CDH26: variants seen among roughly 807,000 people sequenced by gnomAD.
The protein encoded by CDH26 is cadherin-like protein 26.
Under a neutral mutation model 90.3 loss-of-function variants are expected in CDH26, and 83 were observed. The observed-to-expected ratio is 0.92, with a 90% CI of 0.77 to 1.10. The LOEUF (loss-of-function observed/expected upper bound fraction) is 1.10. CDH26 is among the 50% of genes least tolerant of loss of function. The pLI is 0.00. For synonymous variants in CDH26, 397 were observed against 396.3 expected, an observed-to-expected ratio of 1.00 and a Z score of -0.02; for missense variants, 1,013 against 1,037.6, an observed-to-expected ratio of 0.98 and a Z score of 0.33.
chr20:60,008,638 T>A (rs563183502), intron 17 of CDH26, among the ~76,000 whole-genome samples: 1 of 152,300 alleles, frequency 6.6e-6, no homozygotes, highest in South Asian at 2.1e-4. Flanking sequence ...CTGTGAACAC[T>A]GTGGCCTGAG....
Position 59,992,663 on chromosome 20 carries a change from T to C in CDH26, c.1426+143T>C. ...CACTCTGCATCCATGCTGGTGATTATTTTTGGTAATAATTCTTAAAATGGT... is the reference window on the plus strand; with the variant it reads ...CACTCTGCATCCATGCTGGTGATTACTTTTGGTAATAATTCTTAAAATGGT... On this transcript the variant is annotated intron_variant, in intron 10 of 17. Coordinates refer to ENST00000348616, the MANE Select transcript of CDH26 (RefSeq NM_177980.4). This position sits in a 1 kb window ranked among gnomAD's most constrained non-coding sequence, Gnocchi z 5.0. 4 of 812,618 alleles carry C rather than the reference T, an allele frequency of 4.9e-6. No homozygotes were observed. The South Asian group carries it at 5.3e-5, about 11-fold the overall frequency. 50.3% of individuals were successfully genotyped at this position (812,618 alleles called of 1,614,324 possible).
At chr20:60,028,647 C>T (rs901639832) in intron 7 of CDH26, among the ~76,000 whole-genome samples, 1 of 152,292 alleles carries the variant, frequency 6.6e-6, no homozygotes, top group East Asian at 1.9e-4. Context: ...CAGGAGGCTG[C>T]AGCCTGGCCT....
At chr20:60,023,235 C>G (rs2061972208) in intron 7 of CDH26, among the ~76,000 whole-genome samples, 1 of 152,240 alleles carries the variant, frequency 6.6e-6, no homozygotes. Context: ...CCACCTTCCT[C>G]TAGACTCAAA....
chr20:59,984,314 T>C (rs2061427334), intron 5 of CDH26, among the ~76,000 whole-genome samples: 1 of 152,258 alleles, frequency 6.6e-6, no homozygotes, highest in Non-Finnish European at 1.5e-5. Flanking sequence ...AATATCTGCC[T>C]GCCATGTATG....
At chr20:59,962,663 T>C (rs2061092066) in intron 1 of CDH26, among the ~76,000 whole-genome samples, 1 of 152,206 alleles carries the variant, frequency 6.6e-6, no homozygotes, top group South Asian at 2.1e-4. Context: ...GTCTTCAATA[T>C]ACGCTTTTAG....
At chr20:60,002,977 A>G in intron 16 of CDH26, 111 bp downstream of exon 16, 1 of 662,376 alleles carries the variant, frequency 1.5e-6, no homozygotes, top group Non-Finnish European at 2.4e-6. Flanking sequence ...TGATAAAAAA[A>G]AATATGCCCA....
At chr20:59,970,504 A>G (rs564948204) in intron 3 of CDH26, among the ~76,000 whole-genome samples, 2 of 149,408 alleles carry the variant, frequency 1.3e-5, no homozygotes, top group South Asian at 4.2e-4. Flanking sequence ...TTTTTTAAAT[A>G]TTATTTAAAA....
At chr20:60,004,627 G>A (rs150705841) in intron 16 of CDH26, among the ~76,000 whole-genome samples, 3,000 of 151,884 alleles carry the variant, frequency 0.02, 47 homozygotes, top group Middle Eastern at 0.085. Context: ...TTAACTGGAC[G>A]TGGTGGCGGG....
chr20:59,972,254 C>G, intron 4 of CDH26, 131 bp downstream of exon 4: 1 of 791,790 alleles, frequency 1.3e-6, no homozygotes, highest in South Asian at 1.9e-5. Context: ...TTGTGACAAG[C>G]TTTACGAGTA....
rs2061647788 is a variant in CDH26 at position 59,999,574 on chromosome 20, TG to T, written c.2020-11del. 6.2e-6 allele frequency: 10 copies of T among 1,610,542 alleles called. No homozygotes were observed. The highest frequency in any genetic ancestry group is 8.5e-6 in the Non-Finnish European group (10 of 1,177,570). ...TCAGCCCTTGTCATATTTCTTTCTC[TG>T]TGTTCTACAGACATGGTCAGATGTT... is the stretch of plus-strand genomic sequence containing the variant. On this transcript the variant is annotated splice_polypyrimidine_tract_variant and intron_variant, in intron 13 of 17. Coordinates refer to ENST00000348616, the MANE Select transcript of CDH26 (RefSeq NM_177980.4).
chr20:59,973,098 G>A (rs905987457), intron 4 of CDH26, among the ~76,000 whole-genome samples: 3 of 152,190 alleles, frequency 2.0e-5, no homozygotes, highest in Non-Finnish European at 2.9e-5. Context: ...AAGAAGAGTA[G>A]TCATAAGGAG....
chr20:60,017,935 G>C (rs1362760844), downstream of CDH26, among the ~76,000 whole-genome samples: 1 of 151,848 alleles, frequency 6.6e-6, no homozygotes, highest in African/African-American at 2.4e-5. Flanking sequence ...TCTTGTTCTT[G>C]ATTTTTAGTT....
chr20:60,012,560 C>T lies in CDH26; in HGVS notation c.2329C>T (p.Pro777Ser), dbSNP rs2146023742. 3 of 1,613,976 alleles carry T rather than the reference C, an allele frequency of 1.9e-6. No homozygotes were observed. Among genetic ancestry groups the T allele is most frequent in the Non-Finnish European group, 2.5e-6 (3 of 1,179,932 alleles). The change falls in exon 18 of 18, where the codon CCC becomes TCC. Residue 777 changes from proline (P) to serine (S), a missense_variant. Transcript: ENST00000348616. ...TGTTGCCAATGTGCTGGAAGATGACCCCGGCTACCTACCTCACGTCTACAG... is the reference window on the plus strand; with the variant it reads ...TGTTGCCAATGTGCTGGAAGATGACTCCGGCTACCTACCTCACGTCTACAG... ...LHVANVLEDD[P>S]GYLPHVYSEE...
At position 59,982,964 on chromosome 20, in the gene CDH26, G is replaced by T; in HGVS notation, c.435G>T (p.Val145=). 6.2e-7 allele frequency: 1 copy of T among 1,613,972 alleles called. No homozygotes were observed. ...TGGAGCGCTCAACAGGAAAAATTGTGGATACATCCTTGATTTTCAACATTA... is the reference window on the plus strand; with the variant it reads ...TGGAGCGCTCAACAGGAAAAATTGTTGATACATCCTTGATTTTCAACATTA... The part of the protein sequence containing the change: ...DVVERSTGKI[V]DTSLIFNIRI... Residue 145 remains valine (V), a synonymous_variant, in exon 5 of 18, where the codon GTG becomes GTT. Coordinates refer to ENST00000348616, the MANE Select transcript of CDH26 (RefSeq NM_177980.4).
intron 7 of CDH26, chr20:59,986,016 C>T (rs2061454747): frequency 6.6e-6 from 1 of 152,200 alleles, no homozygotes; most frequent in South Asian, 2.1e-4. Flanking sequence ...TCACCAGCAT[C>T]CCTGGCCTCC....
At chr20:60,001,590 G>A (rs2061678003) in intron 15 of CDH26, 179 bp downstream of exon 15, 34 of 985,402 alleles carry the variant, frequency 3.5e-5, no homozygotes, top group Non-Finnish European at 4.0e-5. Context: ...TATAGAACTA[G>A]GTATTATTAT....
intron 16 of CDH26, 92 bp from the exon 17 acceptor site, chr20:60,006,621 G>A: frequency 1.2e-6 from 1 of 862,906 alleles, no homozygotes; most frequent in East Asian, 2.4e-5. Context: ...TGCTCAGTGT[G>A]CCCCATCTAT....
At chr20:60,021,762 T>G (rs980305559) in intron 7 of CDH26, among the ~76,000 whole-genome samples, 1 of 151,358 alleles carries the variant, frequency 6.6e-6, no homozygotes, top group African/African-American at 2.4e-5. Flanking sequence ...TAACAAAATA[T>G]CATGTTTTAT....
intron 10 of CDH26, among the ~76,000 whole-genome samples, chr20:59,993,030 A>G (rs1455517361): frequency 6.6e-6 from 1 of 152,252 alleles, no homozygotes; most frequent in Non-Finnish European, 1.5e-5. Context: ...ATGTTCAAAT[A>G]ACTTTAAAAT....
Sources: allele counts gnomAD v4.1 joint callset (sites outside exome capture counted in the v4.1 genomes callset), GRCh38; gene constraint gnomAD v4.1.1; non-coding constraint Gnocchi (gnomAD v3.1); transcripts MANE v1.5; gene names NCBI Gene and HGNC (gene_info 2026-07-23, HGNC 2026-07-21).